The following TMEM132D variants were observed in gnomAD, a reference collection of about 807,000 sequenced individuals.
TMEM132D encodes mature OL transmembrane protein.
TMEM132D carries 21 observed loss-of-function variants against 62.3 expected under a neutral mutation model. The observed-to-expected ratio is 0.34, with a 90% CI of 0.24 to 0.49. The LOEUF (loss-of-function observed/expected upper bound fraction) is 0.49. TMEM132D is among the 20% of genes least tolerant of loss of function. The pLI is 0.99. For synonymous variants in TMEM132D, 621 were observed against 575.6 expected (o/e 1.08, Z -1.13); for missense variants, 1,346 against 1,402.8 (o/e 0.96, Z 0.65).
intron 4 of TMEM132D, among the ~76,000 whole-genome samples, chr12:129,219,316 T>C (rs1473243138): frequency 1.3e-5 from 2 of 152,196 alleles, no homozygotes; most frequent in African/African-American, 4.8e-5. Flanking sequence ...CCTGCCACCA[T>C]GTAAGACATG....
chr12:129,103,848 C>T (rs950144657), intron 5 of TMEM132D, among the ~76,000 whole-genome samples: 1 of 152,108 alleles, frequency 6.6e-6, no homozygotes, highest in African/African-American at 2.4e-5. Context: ...GGTGAAGGAC[C>T]TCTTCAAGGA....
At chr12:129,828,075 C>T (rs1055663669) in intron 1 of TMEM132D, among the ~76,000 whole-genome samples, 2 of 152,104 alleles carry the variant, frequency 1.3e-5, no homozygotes, top group African/African-American at 4.8e-5. Flanking sequence ...TATTCTTTTA[C>T]TGCAATGAGA....
intron 5 of TMEM132D, among the ~76,000 whole-genome samples, chr12:129,145,393 T>C (rs2135532456): frequency 6.6e-6 from 1 of 152,298 alleles, no homozygotes; most frequent in South Asian, 2.1e-4. Flanking sequence ...CAAGGGGCAG[T>C]TCCTCCAGTT....
intron 5 of TMEM132D, among the ~76,000 whole-genome samples, chr12:129,117,297 G>A (rs551060378): frequency 6.6e-6 from 1 of 152,144 alleles, no homozygotes; most frequent in African/African-American, 2.4e-5. Context: ...ATGAATAGAT[G>A]GAGAAGAGGG....
At chr12:129,567,100 T>C (rs960252166) in intron 2 of TMEM132D, among the ~76,000 whole-genome samples, 1 of 152,252 alleles carries the variant, frequency 6.6e-6, no homozygotes, top group Non-Finnish European at 1.5e-5. Flanking sequence ...TAACAGGTCA[T>C]GGTCCTCATA....
chr12:129,139,057 G>A (rs552394972), intron 5 of TMEM132D, among the ~76,000 whole-genome samples: 6 of 152,250 alleles, frequency 3.9e-5, no homozygotes, highest in African/African-American at 7.2e-5. Flanking sequence ...CTTTGAAATC[G>A]TGTTTGCAAA....
chr12:129,758,216 T>C (rs1452094449), intron 1 of TMEM132D, among the ~76,000 whole-genome samples: 2 of 152,140 alleles, frequency 1.3e-5, no homozygotes, highest in African/African-American at 2.4e-5. Flanking sequence ...ACTTTTATTT[T>C]ATTTTTTTTA....
intron 2 of TMEM132D, among the ~76,000 whole-genome samples, chr12:129,575,365 C>T (rs1877632326): frequency 6.6e-6 from 1 of 151,788 alleles, no homozygotes; most frequent in South Asian, 2.1e-4. Context: ...TTATGGCTCC[C>T]CAGCGGCTGT....
chr12:129,538,092 T>A (rs971479133), intron 2 of TMEM132D, among the ~76,000 whole-genome samples: 4 of 152,222 alleles, frequency 2.6e-5, no homozygotes, highest in Non-Finnish European at 5.9e-5. Context: ...ATGTCCTCTG[T>A]CACTTCTGAG....
At chr12:129,473,502 T>C (rs1009369813) in intron 3 of TMEM132D, among the ~76,000 whole-genome samples, 1 of 151,784 alleles carries the variant, frequency 6.6e-6, no homozygotes, top group Non-Finnish European at 1.5e-5. Flanking sequence ...GCTAATTTTT[T>C]GTATTTTTAG....
At chr12:129,242,278 G>C (rs982768292) in intron 4 of TMEM132D, among the ~76,000 whole-genome samples, 1 of 152,216 alleles carries the variant, frequency 6.6e-6, no homozygotes, top group Non-Finnish European at 1.5e-5. Context: ...CAACCAAGAA[G>C]AGGAGCAAAG....
At chr12:129,176,001 A>T (rs768583123) in intron 5 of TMEM132D, among the ~76,000 whole-genome samples, 1 of 152,182 alleles carries the variant, frequency 6.6e-6, no homozygotes, top group Non-Finnish European at 1.5e-5. Flanking sequence ...GAGTAATTCC[A>T]ACATATGTGT....
intron 2 of TMEM132D, among the ~76,000 whole-genome samples, chr12:129,636,307 G>A (rs1879473876): frequency 6.6e-6 from 1 of 152,198 alleles, no homozygotes; most frequent in Non-Finnish European, 1.5e-5. Flanking sequence ...TCTATTTTGG[G>A]TAAAATGCTT....
chr12:129,079,968 G>C (rs1874400453), intron 7 of TMEM132D, among the ~76,000 whole-genome samples: 1 of 152,124 alleles, frequency 6.6e-6, no homozygotes, highest in East Asian at 1.9e-4. Context: ...TTTCCCCTTT[G>C]CACTTAAATT....
rs755778863 is a variant in TMEM132D, at chr12:129,074,970, G to A, written c.2205C>T (p.Ala735=). ...IYDGKDFSLM[A]TSLDEKVVSI... is the part of the protein sequence containing the mutation. ...AGACTACCTTCTCATCCAAAGATGT[G>A]GCCATCAAGGAGAAGTCTTTCCCAT... The change falls in exon 9 of 9, where the codon GCC becomes GCT. Residue 735 remains alanine (A), a synonymous_variant. Coordinates refer to ENST00000422113, the MANE Select transcript of TMEM132D (RefSeq NM_133448.3). 6 of 1,613,824 alleles carry A rather than the reference G, an allele frequency of 3.7e-6. No individual in the cohort carries two copies. The African/African-American group carries it at 8.0e-5, about 22-fold the overall frequency.
At chr12:129,203,150 G>A (rs372798385) in intron 5 of TMEM132D, among the ~76,000 whole-genome samples, 7 of 152,216 alleles carry the variant, frequency 4.6e-5, no homozygotes, top group African/African-American at 7.2e-5. Context: ...AGCCAACACC[G>A]CAAACCATGT....
At chr12:129,475,987 C>T (rs542321317) in intron 3 of TMEM132D, among the ~76,000 whole-genome samples, 12 of 152,170 alleles carry the variant, frequency 7.9e-5, no homozygotes, top group African/African-American at 1.9e-4. Context: ...TTTATGCTCA[C>T]GTATTTGTAA....
intron 1 of TMEM132D, among the ~76,000 whole-genome samples, chr12:129,810,564 ACACACACACCCC>A (rs149601598): frequency 0.48 from 42,434 of 88,998 alleles, 6,235 homozygotes; most frequent in East Asian, 0.62. Flanking sequence ...ACACACACAC[ACACACACACCCC>A]CCCACACTCT....
intron 8 of TMEM132D, among the ~76,000 whole-genome samples, chr12:129,075,606 GTCTGCAGGAGTGGA>G (rs1874225579): frequency 6.6e-6 from 1 of 152,202 alleles, no homozygotes; most frequent in Non-Finnish European, 1.5e-5. Context: ...CCTTTTCTGG[GTCTGCAGGAGTGGA>G]TCTGTCCTGG....
Sources: allele counts gnomAD v4.1 joint callset (sites outside exome capture counted in the v4.1 genomes callset), GRCh38; gene constraint gnomAD v4.1.1; transcripts MANE v1.5; gene names NCBI Gene and HGNC (gene_info 2026-07-23, HGNC 2026-07-21).